The following CELF5 variants were observed in gnomAD, a reference collection of about 807,000 sequenced individuals.
CELF5 encodes CUGBP Elav-like family member 5, also known as CUG-BP and ETR-3 like factor 5.
A neutral mutation model predicts 54.9 loss-of-function variants in CELF5; 6 were observed. The ratio of observed to expected loss-of-function variants is 0.11; its 90% CI spans 0.06 to 0.22. The LOEUF is 0.22. Ranked by LOEUF, CELF5 falls within the 10% of genes least tolerant of loss-of-function variation. The pLI is 1.00. For synonymous variants in CELF5, 271 were observed against 290.9 expected (o/e 0.93, Z 0.70); for missense variants, 401 against 678.6 (o/e 0.59, Z 4.54).
chr19:3,270,182 G>A (rs970990726), intron 2 of CELF5, among the ~76,000 whole-genome samples: 1 of 152,104 alleles, frequency 6.6e-6, no homozygotes, highest in Non-Finnish European at 1.5e-5. Context: ...TCTGTCTCCC[G>A]CTCCGCCAGG....
intron 8 of CELF5, among the ~76,000 whole-genome samples, chr19:3,283,998 T>C (rs146547004): frequency 2.0e-5 from 3 of 151,642 alleles, no homozygotes; most frequent in Non-Finnish European, 2.9e-5. Flanking sequence ...CCATTATGCT[T>C]GGCTAATTTT....
intron 2 of CELF5, among the ~76,000 whole-genome samples, chr19:3,271,511 G>A (rs1483660888): frequency 6.6e-6 from 1 of 152,204 alleles, no homozygotes. Flanking sequence ...GGAGGATTGG[G>A]GGCACAGGAT....
At chr19:3,265,400 C>T (rs369297127) in intron 2 of CELF5, among the ~76,000 whole-genome samples, 1 of 152,290 alleles carries the variant, frequency 6.6e-6, no homozygotes, top group Non-Finnish European at 1.5e-5. Context: ...GCAGTGTAAA[C>T]GGCAGTGGAG....
chr19:3,273,449 A>C (rs554527068), intron 2 of CELF5, among the ~76,000 whole-genome samples: 1 of 152,152 alleles, frequency 6.6e-6, no homozygotes, highest in Admixed American at 6.5e-5. Context: ...AGGTCTCTTG[A>C]GGCTTAGGCT....
rs931215925 is a variant in CELF5 at position 3,268,350 on chromosome 19, T to G, written c.343-5522T>G. On this transcript the variant is annotated intron_variant, in intron 2 of 12. Coordinates refer to ENST00000292672, the MANE Select transcript of CELF5 (RefSeq NM_021938.4). This position sits in a 1 kb window ranked among gnomAD's most constrained non-coding sequence, Gnocchi z 4.4. Reference sequence around the variant, plus strand: ...ACTCTGTAAGGTGAGGCCTGTCAGGTGCTGAACGCAGAACCCGAGCTCGGC... The same window carrying G: ...ACTCTGTAAGGTGAGGCCTGTCAGGGGCTGAACGCAGAACCCGAGCTCGGC... Among the ~76,000 whole-genome samples the G allele has an allele frequency of 2.0e-5, 3 of 152,046 alleles. No homozygotes were observed. Among genetic ancestry groups the G allele is most frequent in the African/African-American group, 7.2e-5 (3 of 41,408 alleles).
intron 2 of CELF5, among the ~76,000 whole-genome samples, chr19:3,252,455 T>C (rs2079664322): frequency 6.6e-6 from 1 of 152,148 alleles, no homozygotes; most frequent in Admixed American, 6.6e-5. Flanking sequence ...TGCCTCTTGA[T>C]GGAGACTGAA....
chr19:3,273,451 G>C (rs1476773372), intron 2 of CELF5, among the ~76,000 whole-genome samples: 2 of 152,040 alleles, frequency 1.3e-5, no homozygotes, highest in Non-Finnish European at 2.9e-5. Flanking sequence ...GTCTCTTGAG[G>C]CTTAGGCTCA....
Position 3,256,064 on chromosome 19 carries a change from C to CA in CELF5, c.342+5006dup, listed in dbSNP as rs1555720976. ...TGGGTGACAGAACAAGACCCTGTCTCAAAAAAAAAGGAAAGGTGCGAAGTG... is the reference window on the plus strand; with the variant it reads ...TGGGTGACAGAACAAGACCCTGTCTCAAAAAAAAAAGGAAAGGTGCGAAGTG... On this transcript the variant is annotated intron_variant, in intron 2 of 12. Coordinates refer to ENST00000292672, the MANE Select transcript of CELF5 (RefSeq NM_021938.4). Among the ~76,000 whole-genome samples the CA allele has an allele frequency of 1.5e-4, 21 of 139,556 alleles. 1 individual carries two copies. Among genetic ancestry groups the CA allele is most frequent in the African/African-American group, 3.2e-4 (12 of 37,212 alleles). The allele number at this position is 139,556 out of a possible 152,430, so 91.6% of individuals were successfully genotyped here. A position where few individuals can be genotyped will look rare whatever the true frequency, so the allele number is the denominator to read the frequency against.
chr19:3,248,592 G>A (rs990754644), intron 1 of CELF5, among the ~76,000 whole-genome samples: 1 of 152,126 alleles, frequency 6.6e-6, no homozygotes, highest in Non-Finnish European at 1.5e-5. Flanking sequence ...TGGGTCGACC[G>A]TATTGTATCG....
In CELF5 at chr19:3,224,983, A is replaced by G; in HGVS notation, c.244A>G (p.Thr82Ala). 1 of 1,581,636 alleles carries G rather than the reference A, an allele frequency of 6.3e-7. No homozygotes were observed. The highest frequency in any genetic ancestry group is 8.6e-7 in the Non-Finnish European group (1 of 1,163,126). The change falls in exon 1 of 13, where the codon ACG becomes GCG. Residue 82 changes from threonine to alanine, a missense_variant. This residue lies in a region of CELF5 where 66 missense variants were observed against 132.3 expected (regional missense o/e 0.50). Transcript: ENST00000292672. ...GCTCACGGTGCTCAAAGACCCCTAC[A>G]CGGGGATGCACAAAGGTGGGCGCCC... is the stretch of plus-strand genomic sequence containing the variant. ...YELTVLKDPY[T>A]GMHKGCAFLT...
chr19:3,284,773 A>G, intron 8 of CELF5, 129 bp from the exon 9 acceptor site: 1 of 785,438 alleles, frequency 1.3e-6, no homozygotes, highest in Non-Finnish European at 2.2e-6. Context: ...TCCTGGTCCT[A>G]CAGAGGGTTT....
chr19:3,269,750 C>T (rs572040831), intron 2 of CELF5, among the ~76,000 whole-genome samples: 74 of 152,290 alleles, frequency 4.9e-4, no homozygotes, highest in African/African-American at 1.7e-3. Flanking sequence ...GTCCTTAGGA[C>T]ACCTCTCCCT....
rs887260641 is a variant in CELF5 at position 3,268,815 on chromosome 19, G to A, written c.343-5057G>A. Among the ~76,000 whole-genome samples, 4 of 152,010 alleles carry A rather than the reference G, an allele frequency of 2.6e-5. No homozygotes were observed. Among genetic ancestry groups the A allele is most frequent in the Non-Finnish European group, 2.9e-5 (2 of 68,014 alleles). The stretch of plus-strand genomic sequence containing the variant: ...ATGGAAGCAGATGGAGAGAGAGCAC[G>A]GAAGACTTCAGGGAGGAGGTGGCGT... On this transcript the variant is annotated intron_variant, in intron 2 of 12. Coordinates refer to ENST00000292672, the MANE Select transcript of CELF5 (RefSeq NM_021938.4). The surrounding 1 kb of genome is among the most constrained non-coding windows in gnomAD (Gnocchi z 4.4).
Position 3,275,634 on chromosome 19 carries a change from C to T in CELF5, c.395-222C>T, listed in dbSNP as rs2145233006. On this transcript the variant is annotated intron_variant, in intron 3 of 12. Coordinates refer to ENST00000292672, the MANE Select transcript of CELF5 (RefSeq NM_021938.4). The surrounding 1 kb of genome is among the most constrained non-coding windows in gnomAD (Gnocchi z 6.7). ...GGCGGGGGCGCCACCTGGGCAAAGG[C>T]CGGGAGATGGGAGCGTGCAGGGCCC... 6.6e-6 allele frequency among the ~76,000 whole-genome samples: 1 copy of T among 152,278 alleles called. No individual in the cohort carries two copies. The highest frequency in any genetic ancestry group is 1.9e-4 in the East Asian group (1 of 5,148).
At position 3,275,728 on chromosome 19, in the gene CELF5, G is replaced by C; in HGVS notation, c.395-128G>C. ...GGTCCTCCCTCGCACGCGCAGAACC[G>C]GAGCCGGCAGGGCCCGGGCGCCGCG... On this transcript the variant is annotated intron_variant, in intron 3 of 12. Transcript: ENST00000292672. The surrounding 1 kb of genome is among the most constrained non-coding windows in gnomAD (Gnocchi z 6.7). 2.0e-6 allele frequency: 2 copies of C among 1,023,300 alleles called. No homozygotes were observed. The highest frequency in any genetic ancestry group is 1.7e-5 in the South Asian group (1 of 58,522). 63.4% of individuals were successfully genotyped at this position (1,023,300 alleles called of 1,614,324 possible). A position where few individuals can be genotyped will look rare whatever the true frequency, so the allele number is the denominator to read the frequency against.
In CELF5 at chr19:3,284,980, C is replaced by T. The variant is rs752332667; in HGVS notation, c.1102+16C>T. 40 of 1,564,924 alleles carry T rather than the reference C, an allele frequency of 2.6e-5. No homozygotes were observed. Among genetic ancestry groups the T allele is most frequent in the Non-Finnish European group, 3.4e-5 (39 of 1,141,038 alleles). ...CAGTACACAGGTAGGAGGCAGCCCG[C>T]GTGCCCGCGCTGGGCCCTGGCCCCG... On this transcript the variant is annotated intron_variant, in intron 9 of 12. Transcript: ENST00000292672.
chr19:3,270,565 G>GC (rs1481184422), intron 2 of CELF5: 4 of 147,060 alleles, frequency 2.7e-5, no homozygotes, highest in Non-Finnish European at 6.0e-5. Flanking sequence ...GCGGCGCGGG[G>GC]CCCGAGCGTG....
At chr19:3,286,686 C>T (rs1437473143) in intron 10 of CELF5, 1 of 145,646 alleles carries the variant, frequency 6.9e-6, no homozygotes. Flanking sequence ...GAGCTACTAT[C>T]TCCCCACTGG....
In CELF5 at chr19:3,293,467, A is replaced by C. The variant is rs1490201078; in HGVS notation, c.*21A>C. On this transcript the variant is annotated 3_prime_UTR_variant, in exon 12 of 13. Coordinates refer to ENST00000292672, the MANE Select transcript of CELF5 (RefSeq NM_021938.4). The stretch of plus-strand genomic sequence containing the variant: ...ACTGACCGCGCCCACAGCCGCCCTG[A>C]GGCTGTAGGCATGGCCCAGGTGAGC... 1 of 1,613,092 alleles carries C rather than the reference A, an allele frequency of 6.2e-7. No individual in the cohort carries two copies.
Sources: allele counts gnomAD v4.1 joint callset (sites outside exome capture counted in the v4.1 genomes callset), GRCh38; gene constraint gnomAD v4.1.1; regional missense constraint gnomAD v4.1.1; non-coding constraint Gnocchi (gnomAD v3.1); transcripts MANE v1.5; gene names NCBI Gene and HGNC (gene_info 2026-07-23, HGNC 2026-07-21).